Variants in PLB1 observed in about 807,000 individuals in gnomAD.
PLB1 encodes the protein phospholipase B1, membrane-associated.
In PLB1, 242 loss-of-function variants were observed where a neutral mutation model predicts 227.4. The observed-to-expected ratio is 1.06, with a 90% CI of 0.96 to 1.18. PLB1 has a LOEUF of 1.18. PLB1 is among the 50% of genes most tolerant of loss of function. The pLI is 0.00. For missense variants in PLB1, 1,858 were observed against 1,816.3 expected, an observed-to-expected ratio of 1.02 and a Z score of -0.42; for synonymous variants, 757 against 682.2, an observed-to-expected ratio of 1.11 and a Z score of -1.71.
At chr2:28,566,270 G>A (rs534236408) in intron 19 of PLB1, among the ~76,000 whole-genome samples, 16 of 152,200 alleles carry the variant, frequency 1.1e-4, no homozygotes, top group African/African-American at 3.6e-4. Context: ...GGAAAAGCAG[G>A]GAATCCAATC....
At chr2:28,504,109 G>A (rs1454539506) in intron 1 of PLB1, among the ~76,000 whole-genome samples, 1 of 152,078 alleles carries the variant, frequency 6.6e-6, no homozygotes, top group Non-Finnish European at 1.5e-5. Flanking sequence ...CTCTTGAAAT[G>A]TTGCCTCTAC....
At chr2:28,613,917 G>A in intron 43 of PLB1, 114 bp from the exon 44 acceptor site, 1 of 872,212 alleles carries the variant, frequency 1.1e-6, no homozygotes, top group South Asian at 1.5e-5. Context: ...TTCTATATAA[G>A]TGCAGAAGAA....
At chr2:28,557,317 A>G (rs145237557) in intron 17 of PLB1, among the ~76,000 whole-genome samples, 9 of 152,166 alleles carry the variant, frequency 5.9e-5, no homozygotes, top group Non-Finnish European at 1.3e-4. Context: ...GTTCATGGAA[A>G]CTCACACCGA....
At chr2:28,633,377 G>A (rs540548947) in intron 56 of PLB1, 46 of 268,266 alleles carry the variant, frequency 1.7e-4, no homozygotes, top group African/African-American at 8.4e-4. Flanking sequence ...TTGGGCAAAC[G>A]ATCTCTCTGG....
chr2:28,636,325 AAGTGCTGGGATTATAG>A (rs1689357789), intron 56 of PLB1, among the ~76,000 whole-genome samples: 1 of 152,182 alleles, frequency 6.6e-6, no homozygotes, highest in African/African-American at 2.4e-5. Flanking sequence ...CGGCCTCCCA[AAGTGCTGGGATTATAG>A]GTGTGAGCCA....
intron 16 of PLB1, among the ~76,000 whole-genome samples, chr2:28,550,548 G>A (rs982738631): frequency 2.0e-5 from 3 of 148,802 alleles, no homozygotes; most frequent in African/African-American, 7.5e-5. Flanking sequence ...TTTTTTGGTG[G>A]GAGGAGGGCG....
intron 22 of PLB1, among the ~76,000 whole-genome samples, chr2:28,578,628 ATAAAAG>A (rs746329071): frequency 1.9e-4 from 29 of 152,178 alleles, no homozygotes; most frequent in Non-Finnish European, 3.7e-4. Flanking sequence ...GTACCAAAAA[ATAAAAG>A]TAGAGGAGAT....
chr2:28,603,461 T>C (rs1045000970), intron 39 of PLB1, among the ~76,000 whole-genome samples: 5 of 152,192 alleles, frequency 3.3e-5, no homozygotes, highest in African/African-American at 1.2e-4. Context: ...GTACCAGGCA[T>C]TGTTTCAAGT....
chr2:28,603,832 GC>G lies in PLB1; in HGVS notation c.2775-132del, dbSNP rs1279550726. ...CCTGCCCCTGAGCATGTGCGCCAGA[GC>G]CTCAAGGCTTGAGTGCTCCTAAACC... On this transcript the variant is annotated intron_variant, in intron 39 of 57. Transcript: ENST00000327757. 3 of 761,164 alleles carry G rather than the reference GC, an allele frequency of 3.9e-6. No individual in the cohort carries two copies. In the African/African-American group the frequency reaches 5.2e-5, roughly 13 times the overall value. 47.2% of individuals were successfully genotyped at this position (761,164 alleles called of 1,614,324 possible). A position where few individuals can be genotyped will look rare whatever the true frequency, so the allele number is the denominator to read the frequency against.
At chr2:28,533,059 C>G (rs1671229214) in intron 9 of PLB1, among the ~76,000 whole-genome samples, 2 of 152,140 alleles carry the variant, frequency 1.3e-5, no homozygotes, top group African/African-American at 4.8e-5. Context: ...CCAGCTTGTC[C>G]TCTTCGCCAC....
At chr2:28,512,462 T>C (rs1239023701) in intron 1 of PLB1, among the ~76,000 whole-genome samples, 1 of 152,210 alleles carries the variant, frequency 6.6e-6, no homozygotes, top group Non-Finnish European at 1.5e-5. Context: ...GATTGCCTTT[T>C]TTCTTCATCT....
intron 43 of PLB1, among the ~76,000 whole-genome samples, chr2:28,612,100 C>T (rs572797752): frequency 2.4e-4 from 37 of 152,114 alleles, no homozygotes; most frequent in Non-Finnish European, 4.4e-4. Flanking sequence ...GAGCCGAGAT[C>T]GCGCCACTGC....
At chr2:28,561,980 A>C (rs1676124979) in intron 17 of PLB1, among the ~76,000 whole-genome samples, 1 of 152,214 alleles carries the variant, frequency 6.6e-6, no homozygotes, top group Non-Finnish European at 1.5e-5. Flanking sequence ...CAAACATAAA[A>C]AGTCACATAT....
intron 12 of PLB1, 124 bp downstream of exon 12, chr2:28,540,565 G>C: frequency 1.3e-6 from 1 of 762,358 alleles, no homozygotes; most frequent in Non-Finnish European, 2.2e-6. Flanking sequence ...GCTGAATTCA[G>C]GACTAAGTCA....
At chr2:28,628,988 C>T in intron 52 of PLB1, 106 bp from the exon 53 acceptor site, 1 of 931,042 alleles carries the variant, frequency 1.1e-6, no homozygotes, top group Non-Finnish European at 1.6e-6. Flanking sequence ...GCCTCAGTTT[C>T]TTCATTGGTA....
chr2:28,632,914 GGAT>G, intron 55 of PLB1, 27 bp from the exon 56 acceptor site: 1 of 1,571,820 alleles, frequency 6.4e-7, no homozygotes, highest in Non-Finnish European at 8.8e-7. Context: ...CCCTTTCCCA[GGAT>G]GATAACCTCC....
intron 17 of PLB1, among the ~76,000 whole-genome samples, chr2:28,556,738 A>G (rs1474564331): frequency 6.6e-6 from 1 of 152,226 alleles, no homozygotes; most frequent in Non-Finnish European, 1.5e-5. Flanking sequence ...TGTTGATGGC[A>G]AATTCCACAC....
intron 10 of PLB1, 109 bp downstream of exon 10, chr2:28,538,490 C>A: frequency 3.0e-6 from 3 of 1,003,650 alleles, no homozygotes; most frequent in East Asian, 2.6e-5. Flanking sequence ...CTGGGACCCT[C>A]GGGAAAGGGG....
chr2:28,608,221 G>C lies in PLB1; in HGVS notation c.3129+1654G>C, dbSNP rs372192377. Among the ~76,000 whole-genome samples the C allele has an allele frequency of 1.7e-4, 26 of 152,350 alleles. No individual in the cohort carries two copies. In the East Asian group the frequency reaches 3.9e-3, roughly 23 times the overall value. The stretch of plus-strand genomic sequence containing the variant: ...CAACATTGGAGCCCATTCTGAAAGG[G>C]TCCATCTGTTGGCCAGCCCAACTTC... On this transcript the variant is annotated intron_variant, in intron 43 of 57. Transcript: ENST00000327757.
Sources: gnomAD v4.1 joint callset for allele counts (sites outside exome capture counted in the v4.1 genomes callset) on GRCh38, gnomAD v4.1.1 for gene constraint, MANE v1.5 for transcripts, NCBI Gene and HGNC (gene_info 2026-07-23, HGNC 2026-07-21) for gene names.